The following DIAPH2 variants were observed in gnomAD, a reference collection of about 807,000 sequenced individuals.
DIAPH2 encodes the protein protein diaphanous homolog 2.
In DIAPH2, 35 loss-of-function variants were observed where a neutral mutation model predicts 92.7. The ratio of observed to expected loss-of-function variants is 0.38; its 90% CI spans 0.29 to 0.50. The LOEUF (loss-of-function observed/expected upper bound fraction) is 0.50. Ranked by LOEUF, DIAPH2 falls within the 20% of genes least tolerant of loss-of-function variation. The pLI is 0.94. For synonymous variants in DIAPH2, 301 were observed against 280.4 expected, an observed-to-expected ratio of 1.07 and a Z score of -0.73; for missense variants, 701 against 819.5, an observed-to-expected ratio of 0.86 and a Z score of 1.77.
chrX:97,399,064 A>G (rs563356524), intron 25 of DIAPH2, among the ~76,000 whole-genome samples: 7 of 111,616 alleles, frequency 6.3e-5, no homozygotes, highest in African/African-American at 2.3e-4. Flanking sequence ...TTTTTTAAAG[A>G]CAAAGTAACT....
chrX:96,888,399 T>C (rs1157391701), intron 5 of DIAPH2, among the ~76,000 whole-genome samples: 4 of 107,682 alleles, frequency 3.7e-5, no homozygotes, highest in Non-Finnish European at 7.7e-5. Flanking sequence ...CCAAATGTCT[T>C]ATTGGATGAC....
At chrX:96,821,161 T>C (rs1374693700) in intron 4 of DIAPH2, among the ~76,000 whole-genome samples, 1 of 112,023 alleles carries the variant, frequency 8.9e-6, no homozygotes, top group East Asian at 2.8e-4. Context: ...CTAAAACTAC[T>C]ATTTGTCTTT....
intron 4 of DIAPH2, among the ~76,000 whole-genome samples, chrX:96,830,900 A>C (rs1171337216): frequency 9.0e-6 from 1 of 111,468 alleles, no homozygotes; most frequent in Non-Finnish European, 1.9e-5. Context: ...ATCTACCAAA[A>C]TTGGGCCCAG....
At chrX:97,274,932 CAT>C (rs1351595814) in intron 23 of DIAPH2, among the ~76,000 whole-genome samples, 1 of 111,279 alleles carries the variant, frequency 9.0e-6, no homozygotes, top group Non-Finnish European at 1.9e-5. Context: ...GGACACAGCA[CAT>C]GTTTCAGAGA....
chrX:96,775,027 G>A (rs1001764044), intron 4 of DIAPH2, among the ~76,000 whole-genome samples: 1 of 111,850 alleles, frequency 8.9e-6, no homozygotes, highest in African/African-American at 3.2e-5. Context: ...TGGAAATGCA[G>A]TCTAGCATCT....
intron 22 of DIAPH2, among the ~76,000 whole-genome samples, chrX:97,188,711 G>A (rs1179556405): frequency 1.1e-4 from 12 of 112,230 alleles, no homozygotes; most frequent in Admixed American, 8.5e-4. Flanking sequence ...AGAAACAAAG[G>A]TTGTTCCCTA....
Position 97,391,674 on chromosome X carries a change from CT to C in DIAPH2, c.3145+7640del, listed in dbSNP as rs200395285. The stretch of plus-strand genomic sequence containing the variant: ...AAAGGACAAACACTTCTCCCCCAAC[CT>C]TTTTTTTTTAACACATCTATTGCTT... On this transcript the variant is annotated intron_variant, in intron 25 of 26. Coordinates refer to ENST00000324765, the MANE Select transcript of DIAPH2 (RefSeq NM_006729.5). Among the ~76,000 whole-genome samples the C allele has an allele frequency of 3.1e-3, 330 of 106,808 alleles. 1 individual carries two copies. Among genetic ancestry groups the C allele is most frequent in the African/African-American group, 8.8e-3 (261 of 29,617 alleles). 92.7% of individuals were successfully genotyped at this position (106,808 alleles called of 115,157 possible). A position where few individuals can be genotyped will look rare whatever the true frequency, so the allele number is the denominator to read the frequency against.
intron 22 of DIAPH2, among the ~76,000 whole-genome samples, chrX:97,204,123 C>T (rs1013414848): frequency 1.8e-5 from 2 of 112,124 alleles, no homozygotes; most frequent in Non-Finnish European, 3.8e-5. Flanking sequence ...AATTCAACGT[C>T]ATTTCATGTT....
chrX:97,297,085 T>C (rs1385101466), intron 23 of DIAPH2, among the ~76,000 whole-genome samples: 1 of 84,477 alleles, frequency 1.2e-5, no homozygotes, highest in African/African-American at 4.6e-5. Flanking sequence ...CCTTTTTTTT[T>C]TTTTTTTTTT....
At chrX:96,771,043 G>A (rs372571141) in intron 4 of DIAPH2, among the ~76,000 whole-genome samples, 5 of 110,896 alleles carry the variant, frequency 4.5e-5, no homozygotes, top group African/African-American at 1.6e-4. Context: ...TTCCCTTCCC[G>A]TGCATTGTCA....
intron 17 of DIAPH2, among the ~76,000 whole-genome samples, chrX:97,016,555 T>A (rs2066262352): frequency 8.9e-6 from 1 of 112,102 alleles, no homozygotes; most frequent in Non-Finnish European, 1.9e-5. Context: ...CTTTCTCTCT[T>A]CAGGTTCATT....
intron 23 of DIAPH2, among the ~76,000 whole-genome samples, chrX:97,338,158 C>T (rs1313368935): frequency 9.0e-6 from 1 of 111,120 alleles, no homozygotes; most frequent in Non-Finnish European, 1.9e-5. Context: ...AAGCGTGAGC[C>T]ACCGTACCTG....
At chrX:96,932,528 T>C (rs1424464216) in intron 10 of DIAPH2, among the ~76,000 whole-genome samples, 1 of 111,373 alleles carries the variant, frequency 9.0e-6, no homozygotes, top group Non-Finnish European at 1.9e-5. Context: ...GCTAAGATTA[T>C]GTGTCTGTGT....
At chrX:96,764,785 A>T (rs933034437) in intron 4 of DIAPH2, among the ~76,000 whole-genome samples, 2 of 111,746 alleles carry the variant, frequency 1.8e-5, no homozygotes, top group African/African-American at 6.5e-5. Context: ...TTATTCGGGA[A>T]GCTACCTAGG....
At chrX:97,493,559 C>G (rs924151660) in intron 26 of DIAPH2, among the ~76,000 whole-genome samples, 1 of 111,321 alleles carries the variant, frequency 9.0e-6, no homozygotes, top group Admixed American at 9.5e-5. Context: ...CCGCACCCGG[C>G]CTGGTTATTT....
chrX:97,384,955 G>C (rs1049230325), intron 25 of DIAPH2, among the ~76,000 whole-genome samples: 1 of 110,841 alleles, frequency 9.0e-6, no homozygotes, highest in Non-Finnish European at 1.9e-5. Context: ...GAGTTGTTTG[G>C]TTTGGTTGGT....
intron 23 of DIAPH2, among the ~76,000 whole-genome samples, chrX:97,342,641 A>T (rs1356196026): frequency 8.9e-6 from 1 of 112,053 alleles, no homozygotes; most frequent in Non-Finnish European, 1.9e-5. Context: ...CTAGGTGTTG[A>T]TGAGTCAGTG....
At chrX:97,099,574 C>T (rs1013292120) in intron 19 of DIAPH2, 120 bp from the exon 20 acceptor site, 7 of 409,100 alleles carry the variant, frequency 1.7e-5, no homozygotes, top group Admixed American at 5.8e-5. Flanking sequence ...TACTCTGGTA[C>T]CATAACAGAA....
chrX:97,003,642 T>G (rs1474351830), intron 17 of DIAPH2, among the ~76,000 whole-genome samples: 1 of 112,225 alleles, frequency 8.9e-6, no homozygotes, highest in Non-Finnish European at 1.9e-5. Context: ...GCCCATTGTT[T>G]GATTGGATTA....
Sources: allele counts gnomAD v4.1 joint callset (sites outside exome capture counted in the v4.1 genomes callset), GRCh38; gene constraint gnomAD v4.1.1; transcripts MANE v1.5; gene names NCBI Gene and HGNC (gene_info 2026-07-23, HGNC 2026-07-21).